Variants in TKFC observed in about 807,000 individuals in gnomAD.
TKFC encodes the protein triokinase/FMN cyclase.
Under a neutral mutation model 61.0 loss-of-function variants are expected in TKFC, and 46 were observed. That is an observed-to-expected ratio of 0.75 (90% CI 0.60 to 0.96). TKFC has a LOEUF of 0.96. Ranked by LOEUF, TKFC falls within the 50% of genes least tolerant of loss-of-function variation. The pLI is 0.00. For synonymous variants in TKFC, 314 were observed against 330.1 expected (o/e 0.95, Z 0.53); for missense variants, 715 against 777.5 (o/e 0.92, Z 0.96).
chr11:61,345,345 G>A lies in TKFC; in HGVS notation c.1326G>A (p.Lys442=), dbSNP rs748407345. The A allele has an allele frequency of 6.2e-7, 1 of 1,604,288 alleles. No homozygotes were observed. The highest frequency in any genetic ancestry group is 1.1e-5 in the South Asian group (1 of 90,404). ...LSKLSVLLLE[K]MGGSSGALYG... ...AGTTGTCTGTCCTGCTCCTGGAGAA[G>A]ATGGGAGGCTCATCTGGGGCGGTGG... is the stretch of plus-strand genomic sequence containing the variant. Residue 442 remains lysine (K), a synonymous_variant, in exon 14 of 18, where the codon AAG becomes AAA. Transcript: ENST00000394900.
chr11:61,353,215 C>G, downstream of TKFC: 1 of 1,491,816 alleles, frequency 6.7e-7, no homozygotes, highest in Non-Finnish European at 8.9e-7. Flanking sequence ...AGTGCCTCCT[C>G]CCCATCTCTG....
At chr11:61,343,657 A>G in intron 11 of TKFC, 199 bp downstream of exon 11, 1 of 910,720 alleles carries the variant, frequency 1.1e-6, no homozygotes, top group Non-Finnish European at 1.7e-6. Context: ...CTCCTCAGAG[A>G]GGCCTGACCC....
At chr11:61,350,342 T>G, downstream of TKFC, 7 of 1,589,320 alleles carry the variant, frequency 4.4e-6, no homozygotes, top group Non-Finnish European at 4.3e-6. Context: ...GAGCAGAGCT[T>G]CTGAGGGGAG....
chr11:61,336,611 G>A (rs1016929967), intron 2 of TKFC, among the ~76,000 whole-genome samples: 13 of 152,146 alleles, frequency 8.5e-5, no homozygotes, highest in South Asian at 2.1e-4. Flanking sequence ...TTTAGCTCCC[G>A]ACAATGATGT....
At chr11:61,333,381 C>G (rs1856461095) in intron 1 of TKFC, 52 bp downstream of exon 1, 1 of 161,060 alleles carries the variant, frequency 6.2e-6, no homozygotes, top group African/African-American at 2.4e-5. Flanking sequence ...CCGTTCCGCG[C>G]CCTTTGCCCT....
downstream of TKFC, chr11:61,352,956 C>A: frequency 6.2e-7 from 1 of 1,614,100 alleles, no homozygotes; most frequent in Non-Finnish European, 8.5e-7. Context: ...TCCTCTTCAC[C>A]TTAGAGTTGG....
At chr11:61,353,142 G>A (rs1320043392), downstream of TKFC, 1 of 1,599,212 alleles carries the variant, frequency 6.3e-7, no homozygotes, top group African/African-American at 1.3e-5. Context: ...AGGAACCACT[G>A]TGGACAAAAG....
chr11:61,346,513 C>G lies in TKFC; in HGVS notation c.*10C>G. ...GGTCTTGCAGAGCTAGGGTGTGTGA[C>G]TGCCTCCCTTGGCCTCAGCTCCTCT... On this transcript the variant is annotated 3_prime_UTR_variant, in exon 18 of 18. Coordinates refer to ENST00000394900, the MANE Select transcript of TKFC (RefSeq NM_015533.4). This position sits in a 1 kb window ranked among gnomAD's most constrained non-coding sequence, Gnocchi z 4.1. The G allele has an allele frequency of 6.3e-7, 1 of 1,588,394 alleles. No individual in the cohort carries two copies.
At chr11:61,352,830 TAAAG>T (rs1408787195), downstream of TKFC, 1 of 1,466,840 alleles carries the variant, frequency 6.8e-7, no homozygotes, top group African/African-American at 1.4e-5. Context: ...AATTTCAACC[TAAAG>T]AAAGATCAAT....
Position 61,343,357 on chromosome 11 carries a change from A to G in TKFC, c.881A>G (p.Lys294Arg), listed in dbSNP as rs533264087. The change falls in exon 11 of 18, where the codon AAG becomes AGG. Residue 294 changes from lysine (K) to arginine (R), a missense_variant. Coordinates refer to ENST00000394900, the MANE Select transcript of TKFC (RefSeq NM_015533.4). ...TVRSLEGRGVKIARALVGTFM... is the reference protein window; with the variant it reads ...TVRSLEGRGVRIARALVGTFM... ...GGTATTGCAGAGGGCCGCGGGGTGA[A>G]GATTGCCCGTGCCCTGGTGGGCACC... The G allele has an allele frequency of 1.7e-5, 28 of 1,614,142 alleles. No individual in the cohort carries two copies. In the South Asian group the frequency reaches 2.9e-4, roughly 16 times the overall value.
At chr11:61,350,089 C>A, downstream of TKFC, 1 of 550,494 alleles carries the variant, frequency 1.8e-6, no homozygotes, top group Non-Finnish European at 3.3e-6. Flanking sequence ...CCAAAGCCAC[C>A]AAGGAAAGCA....
rs1181008593 is a variant in TKFC at position 61,343,338 on chromosome 11, G to A, written c.866-4G>A. ...TTTTGGACTGCCACACTCTGGTATT[G>A]CAGAGGGCCGCGGGGTGAAGATTGC... On this transcript the variant is annotated splice_region_variant and splice_polypyrimidine_tract_variant and intron_variant, in intron 10 of 17. Transcript: ENST00000394900. 4 of 1,613,678 alleles carry A rather than the reference G, an allele frequency of 2.5e-6. No individual in the cohort carries two copies. Among genetic ancestry groups the A allele is most frequent in the Non-Finnish European group, 3.4e-6 (4 of 1,179,652 alleles).
chr11:61,350,301 G>C, downstream of TKFC: 1 of 1,480,444 alleles, frequency 6.8e-7, no homozygotes, highest in Non-Finnish European at 9.2e-7. Context: ...GAAGAAAGTC[G>C]CCTGCTGAAA....
At chr11:61,336,307 G>C (rs117666757) in intron 2 of TKFC, 3 of 154,458 alleles carry the variant, frequency 1.9e-5, no homozygotes, top group Non-Finnish European at 4.4e-5. Context: ...AGGAGCTGGT[G>C]CTAGCAAGCT....
downstream of TKFC, chr11:61,350,268 C>A: frequency 8.0e-7 from 1 of 1,249,274 alleles, no homozygotes; most frequent in Non-Finnish European, 1.1e-6. Context: ...AGCACCCAGG[C>A]AAGAAGTCTG....
At position 61,346,270 on chromosome 11, in the gene TKFC, G is replaced by A. The variant is rs759811199; in HGVS notation, c.1576-81G>A. 15 of 1,600,588 alleles carry A rather than the reference G, an allele frequency of 9.4e-6. No homozygotes were observed. Among genetic ancestry groups the A allele is most frequent in the South Asian group, 3.3e-5 (3 of 90,366 alleles). Reference sequence around the variant, plus strand: ...AAGGGCGTGCAGGGCCAGGCTGCACGGCAGAGACGTTCTGCCCATGGCAGG... The same window carrying A: ...AAGGGCGTGCAGGGCCAGGCTGCACAGCAGAGACGTTCTGCCCATGGCAGG... On this transcript the variant is annotated intron_variant, in intron 17 of 17. Coordinates refer to ENST00000394900, the MANE Select transcript of TKFC (RefSeq NM_015533.4). This position sits in a 1 kb window ranked among gnomAD's most constrained non-coding sequence, Gnocchi z 4.1.
chr11:61,338,181 C>T (rs1328819720), intron 3 of TKFC, 51 bp downstream of exon 3: 5 of 1,469,272 alleles, frequency 3.4e-6, no homozygotes, highest in Non-Finnish European at 4.5e-6. Context: ...GACAGGGCCT[C>T]CTGGGGGATC....
In TKFC at chr11:61,334,617, CAGGTGCTG is replaced by C; in HGVS notation, c.-109-2_-104del. ...CAGCTTGTATCGTTACCCACTCCTG[CAGGTGCTG>C]CTGCTGCCTCCACTGTACTCAGACC... On this transcript the variant is annotated splice_acceptor_variant and 5_prime_UTR_variant, in exon 2 of 18. Transcript: ENST00000394900. LOFTEE classifies it low-confidence loss of function (5UTR_SPLICE). 7.1e-7 allele frequency: 1 copy of C among 1,407,532 alleles called. No homozygotes were observed. The highest frequency in any genetic ancestry group is 1.0e-6 in the Non-Finnish European group (1 of 1,002,280). The allele number at this position is 1,407,532 out of a possible 1,614,324, so 87.2% of individuals were successfully genotyped here. A position where few individuals can be genotyped will look rare whatever the true frequency, so the allele number is the denominator to read the frequency against.
intron 10 of TKFC, 24 bp downstream of exon 10, chr11:61,342,868 A>C: frequency 6.2e-7 from 1 of 1,611,584 alleles, no homozygotes; most frequent in Non-Finnish European, 8.5e-7. Flanking sequence ...TGGGAAGGGG[A>C]TCCTACAGCC....
Sources: allele counts gnomAD v4.1 joint callset (sites outside exome capture counted in the v4.1 genomes callset), GRCh38; gene constraint gnomAD v4.1.1; non-coding constraint Gnocchi (gnomAD v3.1); transcripts MANE v1.5; gene names NCBI Gene and HGNC (gene_info 2026-07-23, HGNC 2026-07-21).